Variants in SGMS2 observed in about 807,000 individuals in gnomAD.
The protein encoded by SGMS2 is sphingomyelin synthase 2, also known as phosphatidylcholine:ceramide cholinephosphotransferase 2.
A neutral mutation model predicts 43.8 loss-of-function variants in SGMS2; 21 were observed. The observed-to-expected ratio is 0.48, with a 90% CI of 0.34 to 0.69. The LOEUF (loss-of-function observed/expected upper bound fraction) is 0.69. SGMS2 is among the 30% of genes least tolerant of loss of function. SGMS2 has a pLI of 0.01. For synonymous variants in SGMS2, 167 were observed against 160.6 expected, an observed-to-expected ratio of 1.04 and a Z score of -0.30; for missense variants, 384 against 443.2, an observed-to-expected ratio of 0.87 and a Z score of 1.20.
chr4:107,886,192 TTTG>T (rs1442293859), intron 2 of SGMS2, among the ~76,000 whole-genome samples: 13 of 151,674 alleles, frequency 8.6e-5, no homozygotes, highest in Non-Finnish European at 7.4e-5. Flanking sequence ...ATACAGCACC[TTTG>T]TTGTTGTTTT....
chr4:107,863,947 C>G (rs1727931993), intron 2 of SGMS2: 1 of 152,250 alleles, frequency 6.6e-6, no homozygotes, highest in Non-Finnish European at 1.5e-5. Flanking sequence ...CACATTCATT[C>G]AACTGCTATT....
chr4:107,890,760 G>C (rs76980443), intron 2 of SGMS2, among the ~76,000 whole-genome samples: 1 of 151,494 alleles, frequency 6.6e-6, no homozygotes, highest in Non-Finnish European at 1.5e-5. Context: ...ACATGTAAAC[G>C]TACAGACACA....
At chr4:107,871,207 A>G (rs1279966458) in intron 2 of SGMS2, among the ~76,000 whole-genome samples, 2 of 151,892 alleles carry the variant, frequency 1.3e-5, no homozygotes, top group Admixed American at 1.3e-4. Context: ...GGCTATTAAC[A>G]GAGAGAGAGA....
intron 1 of SGMS2, among the ~76,000 whole-genome samples, chr4:107,840,793 A>C (rs1726455677): frequency 6.6e-6 from 1 of 152,186 alleles, no homozygotes; most frequent in South Asian, 2.1e-4. Flanking sequence ...AAGTGATTGT[A>C]AAAGTGAGTA....
At chr4:107,898,882 C>CT (rs1297083301) in intron 3 of SGMS2, among the ~76,000 whole-genome samples, 2 of 152,046 alleles carry the variant, frequency 1.3e-5, no homozygotes, top group Non-Finnish European at 2.9e-5. Context: ...TTTTTTTATC[C>CT]TTTTTTTGAT....
At chr4:107,879,425 T>C (rs1729174661) in intron 2 of SGMS2, among the ~76,000 whole-genome samples, 1 of 151,956 alleles carries the variant, frequency 6.6e-6, no homozygotes, top group Non-Finnish European at 1.5e-5. Flanking sequence ...GGATGTTCCT[T>C]GGTTTTCTAG....
chr4:107,898,087 G>A (rs1399995749), intron 3 of SGMS2, among the ~76,000 whole-genome samples: 2 of 152,102 alleles, frequency 1.3e-5, no homozygotes, highest in Non-Finnish European at 2.9e-5. Context: ...TGGAACCTGA[G>A]GTTGGATCAA....
intron 1 of SGMS2, among the ~76,000 whole-genome samples, chr4:107,843,004 T>C (rs1670680678): frequency 6.6e-6 from 1 of 152,220 alleles, no homozygotes; most frequent in Non-Finnish European, 1.5e-5. Flanking sequence ...CTGTTCTTTT[T>C]GCCCCATTTG....
chr4:107,854,848 C>T (rs1727329963), intron 1 of SGMS2, among the ~76,000 whole-genome samples: 1 of 152,124 alleles, frequency 6.6e-6, no homozygotes, highest in South Asian at 2.1e-4. Flanking sequence ...GGCGGTCTTC[C>T]CTGGTCTGCA....
At chr4:107,841,675 T>C (rs771431408) in intron 1 of SGMS2, among the ~76,000 whole-genome samples, 4 of 152,156 alleles carry the variant, frequency 2.6e-5, no homozygotes, top group South Asian at 2.1e-4. Context: ...ATGGCCTTTT[T>C]TTTTAAGAGA....
intron 2 of SGMS2, among the ~76,000 whole-genome samples, chr4:107,880,625 A>G (rs1413828694): frequency 2.0e-5 from 3 of 152,094 alleles, no homozygotes; most frequent in Non-Finnish European, 4.4e-5. Context: ...GGAGGCTGAG[A>G]TGGGTGAATT....
At chr4:107,904,972 T>C (rs895322135) in intron 5 of SGMS2, among the ~76,000 whole-genome samples, 1 of 151,928 alleles carries the variant, frequency 6.6e-6, no homozygotes, top group Non-Finnish European at 1.5e-5. Flanking sequence ...GGGATGAGGG[T>C]GGAGGTGGGG....
intron 1 of SGMS2, among the ~76,000 whole-genome samples, chr4:107,830,847 G>A (rs906315373): frequency 6.6e-6 from 1 of 152,124 alleles, no homozygotes; most frequent in Non-Finnish European, 1.5e-5. Flanking sequence ...TTAGTTGAAC[G>A]TGAAGTTCAG....
chr4:107,872,371 T>C (rs1336508321), intron 2 of SGMS2, among the ~76,000 whole-genome samples: 1 of 152,168 alleles, frequency 6.6e-6, no homozygotes, highest in African/African-American at 2.4e-5. Context: ...TTTGTCTTCG[T>C]AGCAGTTTTA....
chr4:107,828,582 A>T (rs1725724277), intron 1 of SGMS2, among the ~76,000 whole-genome samples: 1 of 152,184 alleles, frequency 6.6e-6, no homozygotes, highest in African/African-American at 2.4e-5. Flanking sequence ...CTGAACACTT[A>T]GTTTGTTGCC....
Position 107,895,475 on chromosome 4 carries a change from A to T in SGMS2, c.-79A>T. On this transcript the variant is annotated 5_prime_UTR_variant, in exon 3 of 7. Transcript: ENST00000690982. ...AAGAGTCCATGTTGATCTTGGAAAT[A>T]GAAGGATTGAAAAAAGCTAAATTTC... 1.4e-6 allele frequency: 2 copies of T among 1,383,746 alleles called. No homozygotes were observed. The highest frequency in any genetic ancestry group is 2.0e-6 in the Non-Finnish European group (2 of 1,011,324). The allele number at this position is 1,383,746 out of a possible 1,614,324, so 85.7% of individuals were successfully genotyped here.
intron 2 of SGMS2, among the ~76,000 whole-genome samples, chr4:107,859,424 T>G (rs1727605976): frequency 6.6e-6 from 1 of 152,220 alleles, no homozygotes; most frequent in Admixed American, 6.5e-5. Flanking sequence ...ATTATTTGTC[T>G]TCTGTGAAAT....
At chr4:107,849,942 G>C (rs1727046039) in intron 1 of SGMS2, among the ~76,000 whole-genome samples, 5 of 152,186 alleles carry the variant, frequency 3.3e-5, no homozygotes, top group Admixed American at 3.3e-4. Flanking sequence ...TTGGATGTGT[G>C]TCCCCACCCA....
At chr4:107,879,409 A>G (rs1263917505) in intron 2 of SGMS2, among the ~76,000 whole-genome samples, 1 of 151,856 alleles carries the variant, frequency 6.6e-6, no homozygotes, top group Non-Finnish European at 1.5e-5. Context: ...TTAATAAGAG[A>G]GTATGGGATG....
Sources: allele counts gnomAD v4.1 joint callset (sites outside exome capture counted in the v4.1 genomes callset), GRCh38; gene constraint gnomAD v4.1.1; transcripts MANE v1.5; gene names NCBI Gene and HGNC (gene_info 2026-07-23, HGNC 2026-07-21).